Variants in C12orf56 observed in about 807,000 individuals in gnomAD.
C12orf56 encodes the protein chromosome 12 open reading frame 56.
In C12orf56, 71 loss-of-function variants were observed where a neutral mutation model predicts 69.9. The ratio of observed to expected loss-of-function variants is 1.02; its 90% CI spans 0.84 to 1.24. C12orf56 has a LOEUF of 1.24. Among genes scored for constraint, C12orf56 ranks in the 50% most tolerant of loss-of-function variants. The pLI is 0.00. For missense variants in C12orf56, 732 were observed against 738.5 expected (o/e 0.99, Z 0.10); for synonymous variants, 276 against 274.1 (o/e 1.01, Z -0.07).
intron 1 of C12orf56, among the ~76,000 whole-genome samples, chr12:64,369,490 G>A (rs2039541336): frequency 6.6e-6 from 1 of 152,110 alleles, no homozygotes; most frequent in Non-Finnish European, 1.5e-5. Flanking sequence ...GAGCCACTGT[G>A]CCTGGCCTTA....
chr12:64,349,965 G>T (rs1359039423), intron 2 of C12orf56, among the ~76,000 whole-genome samples: 4 of 152,040 alleles, frequency 2.6e-5, no homozygotes, highest in Non-Finnish European at 5.9e-5. Flanking sequence ...GGTGGTGGGT[G>T]CCTGTAATCT....
At chr12:64,273,849 C>G (rs2038019127) in intron 11 of C12orf56, among the ~76,000 whole-genome samples, 1 of 152,176 alleles carries the variant, frequency 6.6e-6, no homozygotes. Flanking sequence ...TTAGCCAAAG[C>G]AGCCACAGAG....
rs1198236636 is a variant in C12orf56, at chr12:64,292,104, AT to A, written c.1114-6045del. Reference sequence around the variant, plus strand: ...CTTCTCACTTCATTTCATTCATTTCATCTTCCATTGCTGATACCCTTTCTTC... The same window carrying A: ...CTTCTCACTTCATTTCATTCATTTCACTTCCATTGCTGATACCCTTTCTTC... On this transcript the variant is annotated intron_variant, in intron 6 of 12. Coordinates refer to ENST00000543942, the MANE Select transcript of C12orf56 (RefSeq NM_001170633.2). Among the ~76,000 whole-genome samples the A allele has an allele frequency of 1.5e-3, 4 of 2,588 alleles. 2 individuals are homozygous for A. The highest frequency in any genetic ancestry group is 0.091 in the Non-Finnish European group (2 of 22). 1.7% of individuals were successfully genotyped at this position (2,588 alleles called of 152,430 possible).
At chr12:64,353,447 G>A (rs899125769) in intron 1 of C12orf56, among the ~76,000 whole-genome samples, 13 of 151,696 alleles carry the variant, frequency 8.6e-5, no homozygotes, top group Non-Finnish European at 1.3e-4. Context: ...ATAAGCCACC[G>A]CAAAGTTTAA....
intron 6 of C12orf56, 114 bp downstream of exon 6, chr12:64,303,521 T>G: frequency 1.1e-6 from 1 of 908,404 alleles, no homozygotes; most frequent in East Asian, 2.7e-5. Context: ...TATCAACATT[T>G]AAAAATACAG....
At chr12:64,335,762 A>T (rs1414050928) in intron 2 of C12orf56, among the ~76,000 whole-genome samples, 1 of 152,208 alleles carries the variant, frequency 6.6e-6, no homozygotes, top group African/African-American at 2.4e-5. Flanking sequence ...TAAAAATGTG[A>T]TAATTTAAAC....
chr12:64,297,848 A>G (rs1306241501), intron 6 of C12orf56, among the ~76,000 whole-genome samples: 1 of 152,148 alleles, frequency 6.6e-6, no homozygotes, highest in Non-Finnish European at 1.5e-5. Flanking sequence ...ATAAACATAC[A>G]TGTGCATGTG....
intron 5 of C12orf56, among the ~76,000 whole-genome samples, chr12:64,308,915 A>T: frequency 1.4e-5 from 1 of 71,304 alleles, no homozygotes; most frequent in South Asian, 6.4e-4. Context: ...AAAGAAAGAA[A>T]GAAAGAAAGA....
At chr12:64,338,515 A>G in intron 2 of C12orf56, 1 of 1,152,394 alleles carries the variant, frequency 8.7e-7, no homozygotes, top group Middle Eastern at 1.9e-4. Flanking sequence ...ACTGGTACAA[A>G]CCTGTGGTAA....
intron 12 of C12orf56, 49 bp from the exon 13 acceptor site, chr12:64,267,337 T>C (rs776124085): frequency 2.8e-6 from 4 of 1,412,594 alleles, no homozygotes; most frequent in Non-Finnish European, 3.9e-6. Flanking sequence ...AAACAAGAAT[T>C]TTCACATTGG....
At position 64,380,130 on chromosome 12, in the gene C12orf56, A is replaced by AAAAAC. The variant is rs1565783118; in HGVS notation, c.252+10179_252+10183dup. ...AAAAAAAAAAAAAAAAAAAAAAAAAAAAAACAAAACAAACAAAAAAAAACG... is the reference window on the plus strand; with the variant it reads ...AAAAAAAAAAAAAAAAAAAAAAAAAAAAAACAAAACAAAACAAACAAAAAAAAACG... On this transcript the variant is annotated intron_variant, in intron 1 of 12. Transcript: ENST00000543942. Among the ~76,000 whole-genome samples the AAAAAC allele has an allele frequency of 8.3e-4, 41 of 49,368 alleles. 1 individual carries two copies. The highest frequency in any genetic ancestry group is 2.7e-3 in the South Asian group (5 of 1,820). The allele number at this position is 49,368 out of a possible 152,430, so 32.4% of individuals were successfully genotyped here.
At chr12:64,335,271 C>T (rs935395044) in intron 2 of C12orf56, among the ~76,000 whole-genome samples, 6 of 151,896 alleles carry the variant, frequency 4.0e-5, no homozygotes, top group African/African-American at 1.5e-4. Context: ...CAAAAATTGG[C>T]CAGGTATGGT....
intron 6 of C12orf56, among the ~76,000 whole-genome samples, chr12:64,297,200 T>C (rs1294632407): frequency 6.6e-6 from 1 of 152,148 alleles, no homozygotes. Context: ...TAAAAAAATC[T>C]TAAAGGATGT....
intron 8 of C12orf56, among the ~76,000 whole-genome samples, chr12:64,284,158 A>C (rs2136764764): frequency 6.6e-6 from 1 of 152,282 alleles, no homozygotes; most frequent in East Asian, 1.9e-4. Context: ...TTGGTTTCCC[A>C]AAGTGCTGGG....
chr12:64,347,996 G>A (rs938833659), intron 2 of C12orf56, among the ~76,000 whole-genome samples: 9 of 152,128 alleles, frequency 5.9e-5, no homozygotes, highest in African/African-American at 2.2e-4. Context: ...GCTATTACAT[G>A]GACTGGGCAT....
intron 2 of C12orf56, chr12:64,338,577 A>ACAT: frequency 6.5e-7 from 1 of 1,538,286 alleles, no homozygotes; most frequent in South Asian, 1.1e-5. Flanking sequence ...ATCAAATTGG[A>ACAT]CATCTGAATT....
At chr12:64,353,103 TA>T (rs1407440550) in intron 1 of C12orf56, 47 bp from the exon 2 acceptor site, 5 of 1,566,354 alleles carry the variant, frequency 3.2e-6, no homozygotes, top group Non-Finnish European at 3.5e-6. Flanking sequence ...TACAACTGCT[TA>T]CCTATTTTGG....
rs1300547938 is a variant in C12orf56, at chr12:64,360,450, A to G, written c.253-7394T>C. ...AAAAAATAAAAAAGAAAATTCAAAAACCAAAGCTTCCATTTAACCCCAAAA... is the reference window on the plus strand; with the variant it reads ...AAAAAATAAAAAAGAAAATTCAAAAGCCAAAGCTTCCATTTAACCCCAAAA... On this transcript the variant is annotated intron_variant, in intron 1 of 12. Transcript: ENST00000543942. Among the ~76,000 whole-genome samples, 5 of 152,064 alleles carry G rather than the reference A, an allele frequency of 3.3e-5. No individual in the cohort carries two copies. The East Asian group carries it at 9.6e-4, about 29-fold the overall frequency.
intron 2 of C12orf56, chr12:64,338,477 C>G: frequency 1.1e-6 from 1 of 919,954 alleles, no homozygotes; most frequent in Admixed American, 1.7e-5. Context: ...TTATTTCCTG[C>G]AACAAACAAT....
Sources: gnomAD v4.1 joint callset for allele counts (sites outside exome capture counted in the v4.1 genomes callset) on GRCh38, gnomAD v4.1.1 for gene constraint, MANE v1.5 for transcripts, NCBI Gene and HGNC (gene_info 2026-07-23, HGNC 2026-07-21) for gene names.